Variants in DCC observed in about 807,000 individuals in gnomAD.
The protein encoded by DCC is DCC netrin 1 receptor.
DCC carries 58 observed loss-of-function variants against 172.5 expected under a neutral mutation model. That is an observed-to-expected ratio of 0.34 (90% CI 0.27 to 0.42). The LOEUF (loss-of-function observed/expected upper bound fraction) is 0.42. Ranked by LOEUF, DCC falls within the 10% of genes least tolerant of loss-of-function variation. The pLI, the probability that DCC is intolerant of heterozygous loss-of-function variation, is 1.00. For synonymous variants in DCC, 709 were observed against 644.5 expected, an observed-to-expected ratio of 1.10 and a Z score of -1.52; for missense variants, 1,740 against 1,791.0, an observed-to-expected ratio of 0.97 and a Z score of 0.51.
intron 1 of DCC, among the ~76,000 whole-genome samples, chr18:52,433,119 T>C (rs1314649491): frequency 6.6e-6 from 1 of 152,190 alleles, no homozygotes; most frequent in Non-Finnish European, 1.5e-5. Flanking sequence ...TTAATATCCC[T>C]GAAATTATTT....
At position 52,474,685 on chromosome 18, in the gene DCC, G is replaced by T. The variant is rs189185838; in HGVS notation, c.91+133807G>T. Among the ~76,000 whole-genome samples, 263 of 152,242 alleles carry T rather than the reference G, an allele frequency of 1.7e-3. 4 individuals are homozygous for T. Among genetic ancestry groups the T allele is most frequent in the Admixed American group, 4.4e-3 (68 of 15,284 alleles). ...GGATTTTATAGGTGAGGAAACAGAG[G>T]TCTAGAAAAGTAAAGTAAATTTTCC... On this transcript the variant is annotated intron_variant, in intron 1 of 28. Transcript: ENST00000442544.
At chr18:52,727,994 T>C (rs1234986203) in intron 1 of DCC, among the ~76,000 whole-genome samples, 1 of 152,246 alleles carries the variant, frequency 6.6e-6, no homozygotes. Flanking sequence ...TCCCATTTCA[T>C]TATAGTGATA....
intron 14 of DCC, among the ~76,000 whole-genome samples, chr18:53,336,360 C>T (rs1444184984): frequency 6.6e-6 from 1 of 152,152 alleles, no homozygotes; most frequent in Non-Finnish European, 1.5e-5. Flanking sequence ...AGAAAAATCA[C>T]TCAGGTAGCA....
chr18:53,095,494 G>A (rs1040352115), intron 7 of DCC, among the ~76,000 whole-genome samples: 1 of 152,172 alleles, frequency 6.6e-6, no homozygotes, highest in African/African-American at 2.4e-5. Flanking sequence ...CAACATAAAT[G>A]TATTATTTTA....
intron 6 of DCC, 128 bp from the exon 7 acceptor site, chr18:53,065,918 A>C: frequency 5.2e-5 from 50 of 970,052 alleles, no homozygotes; most frequent in Non-Finnish European, 8.1e-5. Flanking sequence ...CGAGGCTGAG[A>C]CCCCTCATGG....
At chr18:52,662,753 T>C (rs1373057621) in intron 1 of DCC, among the ~76,000 whole-genome samples, 3 of 152,248 alleles carry the variant, frequency 2.0e-5, no homozygotes, top group Non-Finnish European at 2.9e-5. Context: ...TTGGCTGCTA[T>C]AACAAAATAG....
intron 14 of DCC, among the ~76,000 whole-genome samples, chr18:53,323,145 C>T (rs1013385300): frequency 1.3e-5 from 2 of 152,032 alleles, no homozygotes; most frequent in Non-Finnish European, 1.5e-5. Context: ...TTTTCCCTTC[C>T]GTTTTTAAAT....
At chr18:53,196,901 C>T (rs2055451120) in intron 9 of DCC, among the ~76,000 whole-genome samples, 1 of 151,994 alleles carries the variant, frequency 6.6e-6, no homozygotes, top group African/African-American at 2.4e-5. Flanking sequence ...TCTTCCTAGC[C>T]AAATTACTGT....
intron 27 of DCC, among the ~76,000 whole-genome samples, chr18:53,512,330 C>T (rs2046267327): frequency 6.7e-6 from 1 of 148,832 alleles, no homozygotes; most frequent in Non-Finnish European, 1.5e-5. Context: ...TCATCAAAGA[C>T]CAAAAGTAGA....
At chr18:52,404,441 C>A (rs547005008) in intron 1 of DCC, among the ~76,000 whole-genome samples, 10 of 149,760 alleles carry the variant, frequency 6.7e-5, no homozygotes, top group African/African-American at 2.5e-4. Flanking sequence ...TGCCTTCCTC[C>A]TGCTGCATAG....
intron 1 of DCC, among the ~76,000 whole-genome samples, chr18:52,389,083 C>T (rs944345186): frequency 2.0e-5 from 3 of 152,068 alleles, no homozygotes; most frequent in Non-Finnish European, 4.4e-5. Context: ...CTGCTCAGCG[C>T]TGGCTGCATA....
chr18:52,564,644 T>A (rs1013741737), intron 1 of DCC, among the ~76,000 whole-genome samples: 1 of 131,092 alleles, frequency 7.6e-6, no homozygotes, highest in Non-Finnish European at 1.6e-5. Flanking sequence ...GCCCAGGGTA[T>A]GGGATATCTT....
At chr18:52,942,738 A>G (rs2145527632) in intron 5 of DCC, among the ~76,000 whole-genome samples, 1 of 152,294 alleles carries the variant, frequency 6.6e-6, no homozygotes, top group East Asian at 1.9e-4. Context: ...TCCCTCCCAC[A>G]ACATGTAGGA....
chr18:53,055,654 C>G (rs985039376), intron 5 of DCC, among the ~76,000 whole-genome samples: 6 of 152,118 alleles, frequency 3.9e-5, no homozygotes, highest in African/African-American at 1.2e-4. Flanking sequence ...GTGAGAGACA[C>G]TCGTATGGAG....
At position 52,871,194 on chromosome 18, in the gene DCC, A is replaced by G. The variant is rs568615190; in HGVS notation, c.413-34850A>G. Among the ~76,000 whole-genome samples the G allele has an allele frequency of 3.9e-5, 6 of 152,292 alleles. No individual in the cohort carries two copies. In the South Asian group the frequency reaches 6.2e-4, roughly 16 times the overall value. On this transcript the variant is annotated intron_variant, in intron 2 of 28. Coordinates refer to ENST00000442544, the MANE Select transcript of DCC (RefSeq NM_005215.4). ...CAACCATTTTCAGACTGGCCAGCTG[A>G]CACGACCTCAAAATCATGCTTCAGG...
chr18:53,139,553 CA>C (rs1287153231), intron 7 of DCC, among the ~76,000 whole-genome samples: 1 of 151,906 alleles, frequency 6.6e-6, no homozygotes, highest in African/African-American at 2.4e-5. Flanking sequence ...TTTTGTTTAA[CA>C]AAAACTTATT....
intron 5 of DCC, among the ~76,000 whole-genome samples, chr18:52,943,698 T>C (rs906750703): frequency 1.3e-5 from 2 of 151,788 alleles, no homozygotes; most frequent in African/African-American, 4.8e-5. Context: ...TCTGAGTTTA[T>C]GTTGTAAATT....
At chr18:52,902,890 G>A (rs1156586508) in intron 2 of DCC, among the ~76,000 whole-genome samples, 1 of 152,136 alleles carries the variant, frequency 6.6e-6, no homozygotes. Context: ...AATCAACTCT[G>A]TGAAATTTTC....
At chr18:53,280,099 T>TA (rs1568409271) in intron 12 of DCC, among the ~76,000 whole-genome samples, 1 of 152,162 alleles carries the variant, frequency 6.6e-6, no homozygotes. Flanking sequence ...AAAAGTTTTT[T>TA]AAAAAAAATC....
Sources: gnomAD v4.1 joint callset for allele counts (sites outside exome capture counted in the v4.1 genomes callset) on GRCh38, gnomAD v4.1.1 for gene constraint, MANE v1.5 for transcripts, NCBI Gene and HGNC (gene_info 2026-07-23, HGNC 2026-07-21) for gene names.